Variants in RNF130 observed in about 807,000 individuals in gnomAD.
The protein encoded by RNF130 is ring finger protein 130.
In RNF130, 21 loss-of-function variants were observed where a neutral mutation model predicts 44.6. The observed-to-expected ratio is 0.47, with a 90% confidence interval of 0.33 to 0.68. RNF130 has a LOEUF of 0.68. Ranked by LOEUF, RNF130 falls within the 30% of genes least tolerant of loss-of-function variation. RNF130 has a pLI of 0.02. For synonymous variants in RNF130, 214 were observed against 210.4 expected (o/e 1.02, Z -0.15); for missense variants, 479 against 560.6 (o/e 0.85, Z 1.47).
At chr5:179,971,055 T>C (rs1446380104) in intron 5 of RNF130, among the ~76,000 whole-genome samples, 2 of 152,208 alleles carry the variant, frequency 1.3e-5, no homozygotes, top group Non-Finnish European at 2.9e-5. Flanking sequence ...TAGATTCAAG[T>C]AACACTCAGC....
intron 1 of RNF130, among the ~76,000 whole-genome samples, chr5:180,060,690 A>AG (rs767200191): frequency 1.3e-5 from 2 of 152,164 alleles, no homozygotes; most frequent in African/African-American, 4.8e-5. Flanking sequence ...CTACATAAAT[A>AG]CGTAGTCTTC....
At chr5:179,939,111 G>C (rs914972813) in intron 7 of RNF130, among the ~76,000 whole-genome samples, 97 of 152,224 alleles carry the variant, frequency 6.4e-4, no homozygotes, top group Admixed American at 6.3e-3. Context: ...CAGCTGCTTG[G>C]GGGGCTGAGG....
chr5:179,964,333 C>T (rs1224555791), intron 7 of RNF130: 1 of 152,186 alleles, frequency 6.6e-6, no homozygotes, highest in African/African-American at 2.4e-5. Flanking sequence ...CAGATATTCT[C>T]CTTTACCTTT....
chr5:179,937,490 C>T (rs191429453), intron 7 of RNF130, among the ~76,000 whole-genome samples: 66 of 152,220 alleles, frequency 4.3e-4, no homozygotes, highest in African/African-American at 1.6e-3. Flanking sequence ...AAATCAAAAC[C>T]ATGATGAAAT....
rs546159864 is a variant in RNF130, at chr5:179,949,167, G to A, written c.1150+17639C>T. 5.9e-5 allele frequency among the ~76,000 whole-genome samples: 9 copies of A among 152,080 alleles called. No individual in the cohort carries two copies. In the East Asian group the frequency reaches 1.7e-3, roughly 29 times the overall value. ...TTTAGTAGAGATGGGGTTTCGCCAT[G>A]TTGGCCAGGCTGATCTCGAACTCCT... On this transcript the variant is annotated intron_variant, in intron 7 of 7. Coordinates refer to the RNF130 transcript ENST00000522208.
At chr5:179,984,876 G>T (rs1391951557) in intron 3 of RNF130, among the ~76,000 whole-genome samples, 2 of 152,144 alleles carry the variant, frequency 1.3e-5, no homozygotes, top group African/African-American at 4.8e-5. Flanking sequence ...ATGCTCACTA[G>T]AGCATTTTGC....
chr5:180,055,455 T>TGTGTGTGC (rs1561709843), intron 1 of RNF130, among the ~76,000 whole-genome samples: 42 of 146,784 alleles, frequency 2.9e-4, no homozygotes, highest in South Asian at 2.1e-4. Flanking sequence ...TGTGTGTGCG[T>TGTGTGTGC]GTGTGTGTGT....
chr5:180,060,656 C>T (rs1324554078), intron 1 of RNF130, among the ~76,000 whole-genome samples: 2 of 152,134 alleles, frequency 1.3e-5, no homozygotes, highest in African/African-American at 2.4e-5. Context: ...GGCCTCCTAA[C>T]CTTATTAAAA....
At chr5:180,033,492 G>A (rs970829321) in intron 2 of RNF130, among the ~76,000 whole-genome samples, 1 of 152,182 alleles carries the variant, frequency 6.6e-6, no homozygotes, top group African/African-American at 2.4e-5. Flanking sequence ...GGAAGGCTGA[G>A]GTGGGCAGGT....
chr5:180,063,653 C>G (rs1043352627), intron 1 of RNF130, among the ~76,000 whole-genome samples: 7 of 152,162 alleles, frequency 4.6e-5, no homozygotes, highest in African/African-American at 1.7e-4. Flanking sequence ...TCAGTGTTGT[C>G]TTATTTCATT....
intron 7 of RNF130, among the ~76,000 whole-genome samples, chr5:179,947,361 C>T (rs979952231): frequency 6.6e-6 from 1 of 152,210 alleles, no homozygotes; most frequent in Non-Finnish European, 1.5e-5. Flanking sequence ...TCACCCACCC[C>T]ACCTGTGTCC....
chr5:179,996,449 TGTGG>T (rs1763198314), intron 3 of RNF130, among the ~76,000 whole-genome samples: 1 of 152,240 alleles, frequency 6.6e-6, no homozygotes, highest in Non-Finnish European at 1.5e-5. Flanking sequence ...TGATGTTGGT[TGTGG>T]GTAAGTCATA....
intron 3 of RNF130, among the ~76,000 whole-genome samples, chr5:179,997,392 C>T (rs1229188688): frequency 7.9e-5 from 12 of 152,114 alleles, no homozygotes; most frequent in African/African-American, 2.7e-4. Flanking sequence ...GGCGCAATCT[C>T]GGCTCACTGC....
intron 7 of RNF130, among the ~76,000 whole-genome samples, chr5:179,965,001 A>G (rs1020797609): frequency 1.3e-5 from 2 of 152,232 alleles, no homozygotes; most frequent in African/African-American, 4.8e-5. Context: ...TGTCATCATC[A>G]TCAAGGAACT....
intron 7 of RNF130, among the ~76,000 whole-genome samples, chr5:179,926,069 T>C (rs1270045778): frequency 6.6e-6 from 1 of 152,078 alleles, no homozygotes; most frequent in African/African-American, 2.4e-5. Flanking sequence ...AAATGTGCAC[T>C]TGTGTGGGGT....
At chr5:179,976,814 C>T (rs1177105754) in intron 5 of RNF130, 2 of 151,956 alleles carry the variant, frequency 1.3e-5, no homozygotes, top group East Asian at 3.9e-4. Flanking sequence ...TCACATGCTC[C>T]ATATTATAAG....
chr5:179,993,129 G>C (rs1168296482), intron 3 of RNF130, among the ~76,000 whole-genome samples: 1 of 152,162 alleles, frequency 6.6e-6, no homozygotes, highest in African/African-American at 2.4e-5. Flanking sequence ...TATCGTTGTT[G>C]GACATTTGGG....
Position 179,983,217 on chromosome 5 carries a change from T to C in RNF130, c.694-3017A>G, listed in dbSNP as rs549207809. Among the ~76,000 whole-genome samples, 3 of 152,314 alleles carry C rather than the reference T, an allele frequency of 2.0e-5. No individual in the cohort carries two copies. In the East Asian group the frequency reaches 5.8e-4, roughly 29 times the overall value. On this transcript the variant is annotated intron_variant, in intron 3 of 8. Coordinates refer to ENST00000521389, the MANE Select transcript of RNF130 (RefSeq NM_018434.6). Reference sequence around the variant, plus strand: ...GCTCTAGTATCATATTAAGGAAGCTTTGCCTATTTCAAGGTTACAAAGACT... The same window carrying C: ...GCTCTAGTATCATATTAAGGAAGCTCTGCCTATTTCAAGGTTACAAAGACT...
chr5:179,972,496 G>T (rs1762607284), intron 5 of RNF130, among the ~76,000 whole-genome samples: 1 of 152,156 alleles, frequency 6.6e-6, no homozygotes, highest in Admixed American at 6.5e-5. Context: ...CAAGGCTCTG[G>T]TGCAGGAATG....
Sources: allele counts gnomAD v4.1 joint callset (sites outside exome capture counted in the v4.1 genomes callset), GRCh38; gene constraint gnomAD v4.1.1; transcripts MANE v1.5; gene names NCBI Gene and HGNC (gene_info 2026-07-23, HGNC 2026-07-21).